KIAA1958: variants seen among roughly 807,000 people sequenced by gnomAD.
The protein encoded by KIAA1958 is KIAA1958, also known as uncharacterized protein KIAA1958.
KIAA1958 carries 14 observed loss-of-function variants against 47.2 expected under a neutral mutation model. That is an observed-to-expected ratio of 0.30 (90% CI 0.20 to 0.46). The LOEUF (loss-of-function observed/expected upper bound fraction) is 0.46, where lower values mean the gene tolerates loss of function less well. Among genes scored for constraint, KIAA1958 ranks in the 20% least tolerant of loss-of-function variants. The pLI, the probability that KIAA1958 is intolerant of heterozygous loss-of-function variation, is 1.00. For synonymous variants in KIAA1958, 354 were observed against 353.3 expected, an observed-to-expected ratio of 1.00 and a Z score of -0.02; for missense variants, 803 against 909.2, an observed-to-expected ratio of 0.88 and a Z score of 1.50.
At chr9:112,602,571 T>C (rs1163495609) in intron 2 of KIAA1958, among the ~76,000 whole-genome samples, 1 of 152,202 alleles carries the variant, frequency 6.6e-6, no homozygotes, top group Non-Finnish European at 1.5e-5. Context: ...ATGGGTTATG[T>C]TCATTCTGGT....
intron 2 of KIAA1958, among the ~76,000 whole-genome samples, chr9:112,629,365 T>A (rs1174866912): frequency 6.6e-6 from 1 of 152,180 alleles, no homozygotes; most frequent in African/African-American, 2.4e-5. Context: ...TCTAACTGAT[T>A]AACATGAAAA....
At chr9:112,570,550 T>C (rs1835514384) in intron 1 of KIAA1958, among the ~76,000 whole-genome samples, 1 of 152,222 alleles carries the variant, frequency 6.6e-6, no homozygotes, top group African/African-American at 2.4e-5. Context: ...TTTTAAACTT[T>C]TATCTTTCAC....
In KIAA1958 at chr9:112,618,808, G is replaced by C; in HGVS notation, c.1172-26842G>C. On this transcript the variant is annotated intron_variant, in intron 2 of 3. Transcript: ENST00000337530. This position sits in a 1 kb window ranked among gnomAD's most constrained non-coding sequence, Gnocchi z 7.1. The stretch of plus-strand genomic sequence containing the variant: ...AGGCCCAGAGCAACCAGCTCGTGCT[G>C]ATCTGTAACAATCTGAGCCAGCAGG... 6.4e-7 allele frequency: 1 copy of C among 1,550,644 alleles called. No homozygotes were observed. The highest frequency in any genetic ancestry group is 8.7e-7 in the Non-Finnish European group (1 of 1,147,008).
chr9:112,618,548 G>A lies in KIAA1958; in HGVS notation c.1172-27102G>A, dbSNP rs1427618100. On this transcript the variant is annotated intron_variant, in intron 2 of 3. Transcript: ENST00000337530. The surrounding 1 kb of genome is among the most constrained non-coding windows in gnomAD (Gnocchi z 7.1). Reference sequence around the variant, plus strand: ...CCAGCACGCCCCACAGACCTGCCCTGTCCAGGACTATAAGGAGTATGCCCA... The same window carrying A: ...CCAGCACGCCCCACAGACCTGCCCTATCCAGGACTATAAGGAGTATGCCCA... 8 of 1,550,608 alleles carry A rather than the reference G, an allele frequency of 5.2e-6. No homozygotes were observed. Among genetic ancestry groups the A allele is most frequent in the African/African-American group, 1.4e-5 (1 of 73,066 alleles).
At chr9:112,499,923 C>T (rs1362234026) in intron 1 of KIAA1958, among the ~76,000 whole-genome samples, 1 of 151,742 alleles carries the variant, frequency 6.6e-6, no homozygotes, top group Non-Finnish European at 1.5e-5. Context: ...CTCCTGACCT[C>T]GTGATCCACC....
chr9:112,621,210 G>T (rs1300436217), intron 2 of KIAA1958, among the ~76,000 whole-genome samples: 3 of 152,130 alleles, frequency 2.0e-5, no homozygotes, highest in African/African-American at 7.2e-5. Context: ...ATGTCCTCTA[G>T]TCCTCTCCCA....
rs985565361 is a variant in KIAA1958, at chr9:112,522,195, T to C, written c.-25+35077T>C. 2.6e-5 allele frequency among the ~76,000 whole-genome samples: 4 copies of C among 152,164 alleles called. No individual in the cohort carries two copies. In the South Asian group the frequency reaches 8.3e-4, roughly 32 times the overall value. ...CTTGTTGGTCAGGCTGGTCTCGAAC[T>C]CCCGACCTCAGGTGATTCACCCGCC... On this transcript the variant is annotated intron_variant, in intron 1 of 3. Coordinates refer to ENST00000337530, the MANE Select transcript of KIAA1958 (RefSeq NM_133465.4).
At chr9:112,591,860 C>A (rs1835929234) in intron 2 of KIAA1958, among the ~76,000 whole-genome samples, 1 of 152,168 alleles carries the variant, frequency 6.6e-6, no homozygotes, top group Admixed American at 6.5e-5. Context: ...ATAAAATTTT[C>A]TTTTTAATTC....
rs1835622202 is a variant in KIAA1958 at position 112,575,156 on chromosome 9, C to T, written c.1076C>T (p.Pro359Leu). Residue 359 changes from proline (P) to leucine (L), a missense_variant, in exon 2 of 4, where the codon CCC becomes CTC. Physicochemically the swap from Pro to Leu is moderately conservative, Grantham distance 98. Around this residue, in one of 2 missense-constraint regions of KIAA1958, gnomAD observed 761 missense variants for 829.3 expected, o/e 0.92. Coordinates refer to ENST00000337530, the MANE Select transcript of KIAA1958 (RefSeq NM_133465.4). ...TCCTCCTGTGAGGTAGCCCTTTCTC[C>T]CTCAGTTAACACAGAGCCAGAAGTG... ...QVSSCEVALS[P>L]SVNTEPEVSS... 1 of 1,600,426 alleles carries T rather than the reference C, an allele frequency of 6.2e-7. No individual in the cohort carries two copies.
At chr9:112,604,944 AT>A (rs1183810721) in intron 2 of KIAA1958, among the ~76,000 whole-genome samples, 5 of 147,458 alleles carry the variant, frequency 3.4e-5, no homozygotes, top group African/African-American at 1.2e-4. Context: ...TGTAATATAT[AT>A]TTTAATATAT....
intron 2 of KIAA1958, among the ~76,000 whole-genome samples, chr9:112,637,509 CTG>C (rs1265168927): frequency 6.6e-6 from 1 of 152,086 alleles, no homozygotes; most frequent in Non-Finnish European, 1.5e-5. Context: ...TCCTTAGTAA[CTG>C]GGATTACAGG....
At chr9:112,491,384 T>C (rs1833965364) in intron 1 of KIAA1958, among the ~76,000 whole-genome samples, 1 of 152,238 alleles carries the variant, frequency 6.6e-6, no homozygotes, top group African/African-American at 2.4e-5. Flanking sequence ...CTGCATGAAC[T>C]TTGGCCAACC....
chr9:112,653,062 G>A (rs1294182336), intron 3 of KIAA1958, among the ~76,000 whole-genome samples: 1 of 152,178 alleles, frequency 6.6e-6, no homozygotes, highest in East Asian at 1.9e-4. Flanking sequence ...GTAAGAGAAT[G>A]TACAACATGG....
At chr9:112,549,028 G>C (rs947290178) in intron 1 of KIAA1958, among the ~76,000 whole-genome samples, 1 of 152,174 alleles carries the variant, frequency 6.6e-6, no homozygotes, top group African/African-American at 2.4e-5. Context: ...ATTCAGAACT[G>C]TGAAAAAATA....
At chr9:112,530,399 A>C (rs1212710929) in intron 1 of KIAA1958, among the ~76,000 whole-genome samples, 1 of 152,118 alleles carries the variant, frequency 6.6e-6, no homozygotes, top group East Asian at 1.9e-4. Flanking sequence ...ATTTTCTGGT[A>C]CTATTAGGTG....
rs912336466 is a variant in KIAA1958 at position 112,573,950 on chromosome 9, C to G, written c.-24-107C>G. On this transcript the variant is annotated intron_variant, in intron 1 of 3. Coordinates refer to ENST00000337530, the MANE Select transcript of KIAA1958 (RefSeq NM_133465.4). ...CTTAACTAGATTCAGTTTTGAAGTG[C>G]GTTTTTTTTTTATGCCAAATGATCA... is the stretch of plus-strand genomic sequence containing the variant. 21 of 605,038 alleles carry G rather than the reference C, an allele frequency of 3.5e-5. No individual in the cohort carries two copies. In the East Asian group the frequency reaches 5.8e-4, roughly 17 times the overall value. 37.5% of individuals were successfully genotyped at this position (605,038 alleles called of 1,614,324 possible). A position where few individuals can be genotyped will look rare whatever the true frequency, so the allele number is the denominator to read the frequency against.
rs117829534 is a variant in KIAA1958 at position 112,640,197 on chromosome 9, T to C, written c.1172-5453T>C. Among the ~76,000 whole-genome samples the C allele has an allele frequency of 5.8e-4, 88 of 152,334 alleles. 1 individual carries two copies. Among genetic ancestry groups the C allele is most frequent in the Non-Finnish European group, 7.9e-4 (54 of 68,032 alleles). ...ATTTAAAGTTCTGCTAGCCAGCACG[T>C]AAGGTGGGTGGATCACTTTAATGCA... On this transcript the variant is annotated intron_variant, in intron 2 of 3. Transcript: ENST00000337530.
At chr9:112,591,578 T>C (rs1297498219) in intron 2 of KIAA1958, among the ~76,000 whole-genome samples, 1 of 152,132 alleles carries the variant, frequency 6.6e-6, no homozygotes, top group Admixed American at 6.5e-5. Flanking sequence ...ACTGTCATGT[T>C]AGACTACATA....
intron 1 of KIAA1958, among the ~76,000 whole-genome samples, chr9:112,519,728 G>A (rs1229491093): frequency 2.6e-5 from 4 of 152,168 alleles, no homozygotes; most frequent in Non-Finnish European, 5.9e-5. Flanking sequence ...AGATACATAT[G>A]ATTGCTGCAA....
Sources: allele counts gnomAD v4.1 joint callset (sites outside exome capture counted in the v4.1 genomes callset), GRCh38; gene constraint gnomAD v4.1.1; regional missense constraint gnomAD v4.1.1; non-coding constraint Gnocchi (gnomAD v3.1); transcripts MANE v1.5; gene names NCBI Gene and HGNC (gene_info 2026-07-23, HGNC 2026-07-21).